The following OR14J1 variants were observed in gnomAD, a reference collection of about 807,000 sequenced individuals.
The protein encoded by OR14J1 is olfactory receptor 14J1.
For synonymous variants in OR14J1, 140 were observed against 146.7 expected, an observed-to-expected ratio of 0.95 and a Z score of 0.33; for missense variants, 378 against 393.4, an observed-to-expected ratio of 0.96 and a Z score of 0.33.
intron 1 of OR14J1, among the ~76,000 whole-genome samples, chr6:29,305,888 G>T (rs1462256825): frequency 2.0e-5 from 3 of 152,022 alleles, no homozygotes; most frequent in African/African-American, 7.2e-5. Flanking sequence ...CTAGCATTCT[G>T]CCTATCACAT....
rs747603559 is a variant in OR14J1, at chr6:29,307,111, A to C, written c.422A>C (p.His141Pro). The change falls in exon 2 of 2, where the codon CAT becomes CCT. Residue 141 changes from histidine to proline, a missense_variant. Transcript: ENST00000641895. ...ATTATGGATCCCCGTGCCTGTAGGC[A>C]TGCAGTGATAGCTGTGTGGATTGCT... ...ETIMDPRACR[H>P]AVIAVWIAGG... is the part of the protein sequence containing the mutation. 2 of 1,613,060 alleles carry C rather than the reference A, an allele frequency of 1.2e-6. No homozygotes were observed.
In OR14J1 at chr6:29,310,261, C is replaced by T. The variant is rs1178115651; in HGVS notation, c.*2606C>T. On this transcript the variant is annotated 3_prime_UTR_variant, in exon 2 of 2. Transcript: ENST00000641895. ...ATGGTTTTAGGTCTTACGTTTAAGT[C>T]TTTAATCCATCTTGAGTTAATTTTT... 1 of 152,120 alleles carries T rather than the reference C, an allele frequency of 6.6e-6. No individual in the cohort carries two copies. Among genetic ancestry groups the T allele is most frequent in the Non-Finnish European group, 1.5e-5 (1 of 68,032 alleles). The allele number at this position is 152,120 out of a possible 1,614,324, so 9.4% of individuals were successfully genotyped here.
In OR14J1 at chr6:29,306,834, G is replaced by T. The variant is rs769244586; in HGVS notation, c.145G>T (p.Val49Leu). 6.2e-7 allele frequency: 1 copy of T among 1,612,996 alleles called. No individual in the cohort carries two copies. Among genetic ancestry groups the T allele is most frequent in the Admixed American group, 1.7e-5 (1 of 60,010 alleles). ...CCTCCTCATTATCACCATCATTACCGTGGACCGTCGTCTCCATTCCCCCAT... is the reference window on the plus strand; with the variant it reads ...CCTCCTCATTATCACCATCATTACCTTGGACCGTCGTCTCCATTCCCCCAT... ...GNLLIITIIT[V>L]DRRLHSPMYY... is the part of the protein sequence containing the mutation. Residue 49 changes from valine (V) to leucine (L), a missense_variant, in exon 2 of 2, where the codon GTG becomes TTG. By Grantham distance (32) the Val-to-Leu change is conservative. Transcript: ENST00000641895.
rs779416103 is a variant in OR14J1, at chr6:29,309,741, G to A, written c.*2086G>A. On this transcript the variant is annotated 3_prime_UTR_variant, in exon 2 of 2. Transcript: ENST00000641895. Reference sequence around the variant, plus strand: ...TCATGCCTGTAATCCCAGCATTTTAGGGGGCCGCAGCAGGCAGATCACGAG... The same window carrying A: ...TCATGCCTGTAATCCCAGCATTTTAAGGGGCCGCAGCAGGCAGATCACGAG... 6.6e-6 allele frequency: 1 copy of A among 152,162 alleles called. No homozygotes were observed. Among genetic ancestry groups the A allele is most frequent in the Non-Finnish European group, 1.5e-5 (1 of 68,038 alleles). 9.4% of individuals were successfully genotyped at this position (152,162 alleles called of 1,614,324 possible).
At position 29,303,694 on chromosome 6, in the gene OR14J1, CT is replaced by C. The variant is rs1311149241; in HGVS notation, c.-29+1908del. Among the ~76,000 whole-genome samples, 7 of 145,476 alleles carry C rather than the reference CT, an allele frequency of 4.8e-5. No individual in the cohort carries two copies. The East Asian group carries it at 6.3e-4, about 13-fold the overall frequency. ...GGATGAGTCTTAAGATTATCTCTAT[CT>C]ATCTATCTATCTATCTATCTATCTA... On this transcript the variant is annotated intron_variant, in intron 1 of 1. Coordinates refer to ENST00000641895, the MANE Select transcript of OR14J1 (RefSeq NM_030946.2).
intron 1 of OR14J1, among the ~76,000 whole-genome samples, chr6:29,305,926 CA>C (rs1775048871): frequency 6.6e-6 from 1 of 152,066 alleles, no homozygotes; most frequent in Non-Finnish European, 1.5e-5. Context: ...TTTATTTCTT[CA>C]AATGGATTTG....
In OR14J1 at chr6:29,306,792, C is replaced by T. The variant is rs1159595662; in HGVS notation, c.103C>T (p.Leu35=). The change falls in exon 2 of 2, where the codon CTG becomes TTG. Residue 35 remains leucine, a synonymous_variant. Coordinates refer to ENST00000641895, the MANE Select transcript of OR14J1 (RefSeq NM_030946.2). The part of the protein sequence containing the change: ...HALVFLVTYL[L]ALTGNLLIIT... Reference sequence around the variant, plus strand: ...ATTGGTATTTCTGGTGACATACCTGCTGGCCTTGACAGGCAACCTCCTCAT... The same window carrying T: ...ATTGGTATTTCTGGTGACATACCTGTTGGCCTTGACAGGCAACCTCCTCAT... 1.2e-6 allele frequency: 2 copies of T among 1,612,708 alleles called. No homozygotes were observed. The highest frequency in any genetic ancestry group is 1.6e-4 in the Middle Eastern group (1 of 6,084).
At chr6:29,306,602 A>G in intron 1 of OR14J1, 60 bp from the exon 2 acceptor site, 2 of 770,098 alleles carry the variant, frequency 2.6e-6, no homozygotes, top group Non-Finnish European at 4.4e-6. Flanking sequence ...GAGTTACTTG[A>G]CACACAAATA....
rs9295801 is a variant in OR14J1, at chr6:29,312,534, G to A, written c.*4879G>A. 6 of 153,470 alleles carry A rather than the reference G, an allele frequency of 3.9e-5. No homozygotes were observed. Among genetic ancestry groups the A allele is most frequent in the Admixed American group, 1.3e-4 (2 of 15,286 alleles). The allele number at this position is 153,470 out of a possible 1,614,324, so 9.5% of individuals were successfully genotyped here. The stretch of plus-strand genomic sequence containing the variant: ...GTGAGGCGATGCCCCACCCTGCTTC[G>A]GCTAGCCCTCCCTGGGCTGCACCCA... On this transcript the variant is annotated 3_prime_UTR_variant, in exon 2 of 2. Coordinates refer to ENST00000641895, the MANE Select transcript of OR14J1 (RefSeq NM_030946.2).
Position 29,312,374 on chromosome 6 carries a change from C to A in OR14J1, c.*4719C>A. 1 of 161,584 alleles carries A rather than the reference C, an allele frequency of 6.2e-6. No homozygotes were observed. Among genetic ancestry groups the A allele is most frequent in the Non-Finnish European group, 1.3e-5 (1 of 75,750 alleles). 10.0% of individuals were successfully genotyped at this position (161,584 alleles called of 1,614,324 possible). On this transcript the variant is annotated 3_prime_UTR_variant, in exon 2 of 2. Transcript: ENST00000641895. ...CAGTAGCGTAGGCACCCAAGGGAAT[C>A]TACTGTTCTGTGGTTTGCGAAATCC...
Position 29,305,675 on chromosome 6 carries a change from G to A in OR14J1, c.-28-987G>A, listed in dbSNP as rs183904497. Among the ~76,000 whole-genome samples, 246 of 152,020 alleles carry A rather than the reference G, an allele frequency of 1.6e-3. 2 individuals are homozygous for A. Among genetic ancestry groups the A allele is most frequent in the African/African-American group, 5.6e-3 (234 of 41,496 alleles). On this transcript the variant is annotated intron_variant, in intron 1 of 1. Coordinates refer to ENST00000641895, the MANE Select transcript of OR14J1 (RefSeq NM_030946.2). ...TCTATAATAATAGCACATTTAAAAT[G>A]AAATAGGAAAAGTTACATCATTTAA...
rs765627298 is a variant in OR14J1 at position 29,307,093 on chromosome 6, A to T, written c.404A>T (p.Asp135Val). Reference protein sequence around the residue: ...CQPLHYETIMDPRACRHAVIA... With the variant: ...CQPLHYETIMVPRACRHAVIA... ...CCACTTCATTATGAGACTATTATGG[A>T]TCCCCGTGCCTGTAGGCATGCAGTG... The change falls in exon 2 of 2, where the codon GAT (aspartate) becomes GTT (valine). Residue 135 changes from aspartate (D) to valine (V), a missense_variant. Transcript: ENST00000641895. 6.2e-7 allele frequency: 1 copy of T among 1,612,918 alleles called. No homozygotes were observed. Among genetic ancestry groups the T allele is most frequent in the Non-Finnish European group, 8.5e-7 (1 of 1,180,010 alleles).
At position 29,307,950 on chromosome 6, in the gene OR14J1, T is replaced by C; in HGVS notation, c.*295T>C. 1 of 247,326 alleles carries C rather than the reference T, an allele frequency of 4.0e-6. No individual in the cohort carries two copies. Among genetic ancestry groups the C allele is most frequent in the Non-Finnish European group, 7.7e-6 (1 of 129,880 alleles). The allele number at this position is 247,326 out of a possible 1,614,324, so 15.3% of individuals were successfully genotyped here. ...TGTTATTAACAAATAAGGTTGGAGATAGATGAAGCTAACTGGGTTAATATT... is the reference window on the plus strand; with the variant it reads ...TGTTATTAACAAATAAGGTTGGAGACAGATGAAGCTAACTGGGTTAATATT... On this transcript the variant is annotated 3_prime_UTR_variant, in exon 2 of 2. Transcript: ENST00000641895.
chr6:29,307,922 A>C lies in OR14J1; in HGVS notation c.*267A>C. 1 of 304,994 alleles carries C rather than the reference A, an allele frequency of 3.3e-6. No homozygotes were observed. Among genetic ancestry groups the C allele is most frequent in the Non-Finnish European group, 6.0e-6 (1 of 166,964 alleles). 18.9% of individuals were successfully genotyped at this position (304,994 alleles called of 1,614,324 possible). On this transcript the variant is annotated 3_prime_UTR_variant, in exon 2 of 2. Coordinates refer to ENST00000641895, the MANE Select transcript of OR14J1 (RefSeq NM_030946.2). ...TGGAGTCTGGCCTGTATAATTTAAAACTTGTTATTAACAAATAAGGTTGGA... is the reference window on the plus strand; with the variant it reads ...TGGAGTCTGGCCTGTATAATTTAAACCTTGTTATTAACAAATAAGGTTGGA...
In OR14J1 at chr6:29,307,549, T is replaced by C. The variant is rs891481677; in HGVS notation, c.860T>C (p.Ile287Thr). 12 of 1,612,772 alleles carry C rather than the reference T, an allele frequency of 7.4e-6. No individual in the cohort carries two copies. In the African/African-American group the frequency reaches 1.5e-4, roughly 20 times the overall value. Reference sequence around the variant, plus strand: ...ATACCTCCAACACTCAATCCAGTCATTTATAGCTTACGGAATGATTCCATG... The same window carrying C: ...ATACCTCCAACACTCAATCCAGTCACTTATAGCTTACGGAATGATTCCATG... ...TVIPPTLNPVIYSLRNDSMKA... is the reference protein window; with the variant it reads ...TVIPPTLNPVTYSLRNDSMKA... Residue 287 changes from isoleucine to threonine, a missense_variant, in exon 2 of 2, where the codon ATT (isoleucine) becomes ACT (threonine). Coordinates refer to ENST00000641895, the MANE Select transcript of OR14J1 (RefSeq NM_030946.2).
At position 29,310,337 on chromosome 6, in the gene OR14J1, C is replaced by T. The variant is rs1775418455; in HGVS notation, c.*2682C>T. 1 of 152,144 alleles carries T rather than the reference C, an allele frequency of 6.6e-6. No individual in the cohort carries two copies. The highest frequency in any genetic ancestry group is 2.1e-4 in the South Asian group (1 of 4,820). The allele number at this position is 152,144 out of a possible 1,614,324, so 9.4% of individuals were successfully genotyped here. On this transcript the variant is annotated 3_prime_UTR_variant, in exon 2 of 2. Coordinates refer to ENST00000641895, the MANE Select transcript of OR14J1 (RefSeq NM_030946.2). Reference sequence around the variant, plus strand: ...GTTTCAGTTTTCTGCATATGGCTAGCCAGTTTTCTCAACAGCATTTATTAA... The same window carrying T: ...GTTTCAGTTTTCTGCATATGGCTAGTCAGTTTTCTCAACAGCATTTATTAA...
rs1268491335 is a variant in OR14J1 at position 29,310,330 on chromosome 6, T to C, written c.*2675T>C. 6.6e-6 allele frequency: 1 copy of C among 152,260 alleles called. No homozygotes were observed. Among genetic ancestry groups the C allele is most frequent in the Non-Finnish European group, 1.5e-5 (1 of 68,042 alleles). The allele number at this position is 152,260 out of a possible 1,614,324, so 9.4% of individuals were successfully genotyped here. ...GAGTCCAGTTTCAGTTTTCTGCATA[T>C]GGCTAGCCAGTTTTCTCAACAGCAT... is the stretch of plus-strand genomic sequence containing the variant. On this transcript the variant is annotated 3_prime_UTR_variant, in exon 2 of 2. Transcript: ENST00000641895.
In OR14J1 at chr6:29,312,291, A is replaced by G. The variant is rs1775575058; in HGVS notation, c.*4636A>G. 6.6e-6 allele frequency: 1 copy of G among 152,296 alleles called. No homozygotes were observed. The highest frequency in any genetic ancestry group is 1.5e-5 in the Non-Finnish European group (1 of 68,154). The allele number at this position is 152,296 out of a possible 1,614,324, so 9.4% of individuals were successfully genotyped here. On this transcript the variant is annotated 3_prime_UTR_variant, in exon 2 of 2. Transcript: ENST00000641895. ...AACACTGCCTTAGCTGTACTCCTGC[A>G]GCTAGCTCAGTCTCTGCGCAAACAG...
chr6:29,306,488 G>A, intron 1 of OR14J1, 174 bp from the exon 2 acceptor site: 1 of 583,478 alleles, frequency 1.7e-6, no homozygotes, highest in Non-Finnish European at 3.0e-6. Flanking sequence ...TCACATTCAG[G>A]GATTCTATTT....
Sources: allele counts gnomAD v4.1 joint callset (sites outside exome capture counted in the v4.1 genomes callset), GRCh38; gene constraint gnomAD v4.1.1; transcripts MANE v1.5; gene names NCBI Gene and HGNC (gene_info 2026-07-23, HGNC 2026-07-21).